GALNTL6: variants seen among roughly 807,000 people sequenced by gnomAD.
GALNTL6 encodes the protein polypeptide N-acetylgalactosaminyltransferase-like 6.
Under a neutral mutation model 73.7 loss-of-function variants are expected in GALNTL6, and 46 were observed. The observed-to-expected ratio is 0.62, with a 90% CI of 0.49 to 0.80. The LOEUF is 0.80. Among genes scored for constraint, GALNTL6 ranks in the 30% least tolerant of loss-of-function variants. The pLI, the probability that GALNTL6 is intolerant of heterozygous loss-of-function variation, is 0.00. For missense variants in GALNTL6, 604 were observed against 755.0 expected (o/e 0.80, Z 2.34); for synonymous variants, 259 against 263.7 (o/e 0.98, Z 0.17).
chr4:172,676,904 G>C (rs1039998508), intron 5 of GALNTL6, among the ~76,000 whole-genome samples: 1 of 152,108 alleles, frequency 6.6e-6, no homozygotes, highest in Non-Finnish European at 1.5e-5. Context: ...TGAGTTTAAG[G>C]TACTATTGAC....
At chr4:171,912,668 T>A (rs182582282) in intron 2 of GALNTL6, among the ~76,000 whole-genome samples, 6 of 152,102 alleles carry the variant, frequency 3.9e-5, no homozygotes, top group African/African-American at 1.4e-4. Flanking sequence ...CTGGTTCTTT[T>A]ACCTGGTCCC....
intron 5 of GALNTL6, among the ~76,000 whole-genome samples, chr4:172,777,762 G>A (rs1305724849): frequency 6.6e-6 from 1 of 152,084 alleles, no homozygotes; most frequent in Non-Finnish European, 1.5e-5. Flanking sequence ...TCTCACAATG[G>A]AGTAGTTGCA....
At position 172,323,398 on chromosome 4, in the gene GALNTL6, C is replaced by T. The variant is rs143963868; in HGVS notation, c.386+11646C>T. On this transcript the variant is annotated intron_variant, in intron 4 of 12. Transcript: ENST00000506823. ...AAAACCAGCCACTGAAAATTGAATA[C>T]GCTGACATTAACACAATTACTATGT... Among the ~76,000 whole-genome samples the T allele has an allele frequency of 2.4e-3, 368 of 152,186 alleles. 4 individuals carry two copies. The highest frequency in any genetic ancestry group is 8.5e-3 in the African/African-American group (354 of 41,540).
At chr4:172,070,097 G>A (rs765461741) in intron 2 of GALNTL6, among the ~76,000 whole-genome samples, 4 of 108,816 alleles carry the variant, frequency 3.7e-5, no homozygotes, top group Non-Finnish European at 6.1e-5. Context: ...TAGTAATGTC[G>A]CTGTTTTGCT....
At chr4:172,107,034 C>T (rs1304065648) in intron 2 of GALNTL6, among the ~76,000 whole-genome samples, 12 of 152,224 alleles carry the variant, frequency 7.9e-5, no homozygotes, top group South Asian at 2.1e-4. Context: ...CCACCACGCC[C>T]GGATAATTTT....
At chr4:171,967,837 A>G (rs995328324) in intron 2 of GALNTL6, among the ~76,000 whole-genome samples, 9 of 151,990 alleles carry the variant, frequency 5.9e-5, no homozygotes, top group East Asian at 3.9e-4. Context: ...TGCTTTCCCT[A>G]TTTTTTTCCC....
chr4:172,265,247 T>C (rs1158380741), intron 3 of GALNTL6, among the ~76,000 whole-genome samples: 1 of 151,974 alleles, frequency 6.6e-6, no homozygotes, highest in African/African-American at 2.4e-5. Context: ...ACCAGAGACG[T>C]ATTACAAAGT....
intron 2 of GALNTL6, among the ~76,000 whole-genome samples, chr4:171,915,550 T>C (rs544036947): frequency 6.6e-6 from 1 of 151,602 alleles, no homozygotes; most frequent in South Asian, 2.1e-4. Flanking sequence ...CTGAATTATT[T>C]ATCTGATACT....
intron 2 of GALNTL6, among the ~76,000 whole-genome samples, chr4:171,976,201 G>A (rs903003086): frequency 1.3e-5 from 2 of 152,174 alleles, no homozygotes; most frequent in African/African-American, 4.8e-5. Flanking sequence ...GGGAATACAG[G>A]CGTAAGCCAC....
At chr4:172,937,911 T>C (rs988920138) in intron 9 of GALNTL6, among the ~76,000 whole-genome samples, 1 of 152,196 alleles carries the variant, frequency 6.6e-6, no homozygotes, top group African/African-American at 2.4e-5. Context: ...ATGCCCTATA[T>C]AGCATATAGC....
chr4:172,166,104 T>G (rs1035593053), intron 2 of GALNTL6, among the ~76,000 whole-genome samples: 1 of 152,204 alleles, frequency 6.6e-6, no homozygotes, highest in African/African-American at 2.4e-5. Flanking sequence ...GTTCGTAATA[T>G]GGCTTGAGCA....
In GALNTL6 at chr4:172,121,281, G is replaced by GTGTGTGTGT. The variant is rs1291589488; in HGVS notation, c.139-108374_139-108366dup. The stretch of plus-strand genomic sequence containing the variant: ...ATTGTGTGTGTGTGTGTGTGTGTGT[G>GTGTGTGTGT]TGTGTGTGTGTGTGTAAGTTTGTAA... On this transcript the variant is annotated intron_variant, in intron 2 of 12. Transcript: ENST00000506823. 2.0e-5 allele frequency among the ~76,000 whole-genome samples: 3 copies of GTGTGTGTGT among 151,786 alleles called. No homozygotes were observed. In the East Asian group the frequency reaches 5.9e-4, roughly 30 times the overall value.
At chr4:172,732,194 G>C (rs2111392152) in intron 5 of GALNTL6, among the ~76,000 whole-genome samples, 1 of 152,114 alleles carries the variant, frequency 6.6e-6, no homozygotes, top group Middle Eastern at 3.4e-3. Flanking sequence ...GTCTATTCAT[G>C]ATTGCTTCAA....
At position 172,465,349 on chromosome 4, in the gene GALNTL6, C is replaced by T. The variant is rs139133219; in HGVS notation, c.553+116660C>T. Among the ~76,000 whole-genome samples the T allele has an allele frequency of 6.8e-3, 1,038 of 151,914 alleles. 14 individuals carry two copies. Among genetic ancestry groups the T allele is most frequent in the African/African-American group, 0.024 (997 of 41,452 alleles). On this transcript the variant is annotated intron_variant, in intron 5 of 12. Transcript: ENST00000506823. ...AATATTAGCCGGGCATGGTGGTGAG[C>T]GTCTGTAGTCCCAGCTACTCGGGAG...
At chr4:172,923,866 G>A (rs540004862) in intron 8 of GALNTL6, among the ~76,000 whole-genome samples, 1 of 151,646 alleles carries the variant, frequency 6.6e-6, no homozygotes, top group East Asian at 2.0e-4. Flanking sequence ...AATCTCGTGA[G>A]ACTTACTACC....
In GALNTL6 at chr4:172,311,664, G is replaced by A. The variant is rs566822758; in HGVS notation, c.298G>A (p.Asp100Asn). The change falls in exon 4 of 13, where the codon GAC (aspartate) becomes AAC (asparagine). Residue 100 changes from aspartate (D) to asparagine (N), a missense_variant. Physicochemically the swap from Asp to Asn is conservative, Grantham distance 23. This residue lies in a region of GALNTL6 where 141 missense variants were observed against 156.6 expected (regional missense o/e 0.90). Transcript: ENST00000506823. ...CCCCCTTACTGAAGAGGACCATGAT[G>A]ACTCAGCTTACAGGGAAAATGGTTT... ...PYPLTEEDHD[D>N]SAYRENGFNI... 4.3e-6 allele frequency: 7 copies of A among 1,612,186 alleles called. No individual in the cohort carries two copies. The East Asian group carries it at 1.3e-4, about 31-fold the overall frequency.
chr4:172,456,210 A>G (rs1212473519), intron 5 of GALNTL6, among the ~76,000 whole-genome samples: 2 of 152,230 alleles, frequency 1.3e-5, no homozygotes. Context: ...CCAACATTAA[A>G]GGCCAAATGT....
chr4:171,940,750 G>A (rs926602266), intron 2 of GALNTL6, among the ~76,000 whole-genome samples: 10 of 151,654 alleles, frequency 6.6e-5, no homozygotes, highest in Middle Eastern at 3.4e-3. Flanking sequence ...CCCGGGAGGC[G>A]GAGCTTGCAG....
chr4:172,551,139 G>T (rs1285412859), intron 5 of GALNTL6, among the ~76,000 whole-genome samples: 2 of 152,156 alleles, frequency 1.3e-5, no homozygotes, highest in South Asian at 2.1e-4. Flanking sequence ...GAATAGCAAG[G>T]ATTTAGAGTG....
Sources: allele counts gnomAD v4.1 joint callset (sites outside exome capture counted in the v4.1 genomes callset), GRCh38; gene constraint gnomAD v4.1.1; regional missense constraint gnomAD v4.1.1; transcripts MANE v1.5; gene names NCBI Gene and HGNC (gene_info 2026-07-23, HGNC 2026-07-21).